Variants in ATF7IP2 observed in about 807,000 individuals in gnomAD.
The protein encoded by ATF7IP2 is activating transcription factor 7-interacting protein 2.
Under a neutral mutation model 64.2 loss-of-function variants are expected in ATF7IP2, and 42 were observed. The observed-to-expected ratio is 0.65, with a 90% confidence interval of 0.51 to 0.85. The LOEUF (loss-of-function observed/expected upper bound fraction) is 0.85, where lower values mean the gene tolerates loss of function less well. ATF7IP2 is among the 40% of genes least tolerant of loss of function. The pLI is 0.00. For synonymous variants in ATF7IP2, 308 were observed against 272.8 expected (o/e 1.13, Z -1.27); for missense variants, 933 against 784.2 (o/e 1.19, Z -2.27).
chr16:10,447,685 T>C (rs1028289993), intron 8 of ATF7IP2: 9 of 152,162 alleles, frequency 5.9e-5, no homozygotes, highest in African/African-American at 2.2e-4. Flanking sequence ...TGACTAGATT[T>C]AGCATTTAGA....
chr16:10,450,446 G>C (rs1320596735), intron 8 of ATF7IP2, among the ~76,000 whole-genome samples: 3 of 152,182 alleles, frequency 2.0e-5, no homozygotes, highest in African/African-American at 4.8e-5. Context: ...CTGTCTGAGA[G>C]TCTTAAGTCT....
At chr16:10,404,298 G>A (rs1229200185) in intron 1 of ATF7IP2, among the ~76,000 whole-genome samples, 2 of 152,102 alleles carry the variant, frequency 1.3e-5, no homozygotes, top group South Asian at 2.1e-4. Flanking sequence ...TGTCACCCAG[G>A]CTGGATTGAA....
chr16:10,449,462 A>G (rs2048916179), intron 8 of ATF7IP2: 1 of 152,140 alleles, frequency 6.6e-6, no homozygotes, highest in South Asian at 2.1e-4. Flanking sequence ...GTAGACTATT[A>G]ATTACTGCCT....
chr16:10,389,815 G>A (rs111650295), intron 1 of ATF7IP2, among the ~76,000 whole-genome samples: 89 of 152,318 alleles, frequency 5.8e-4, no homozygotes, highest in African/African-American at 1.9e-3. Context: ...AGGTGATGCG[G>A]ATGCTGCTGG....
rs2048231728 is a variant in ATF7IP2 at position 10,431,103 on chromosome 16, T to C, written c.483T>C (p.Ala161=). 2 of 1,614,148 alleles carry C rather than the reference T, an allele frequency of 1.2e-6. No homozygotes were observed. Among genetic ancestry groups the C allele is most frequent in the African/African-American group, 1.3e-5 (1 of 75,046 alleles). ...GATCCCTTTTTGAGCATGAGGGGGC[T>C]TGTAGTCTAAAGTCCAGTTGCTGTC... is the stretch of plus-strand genomic sequence containing the variant. ...VTRSLFEHEG[A]CSLKSSCCPP... The change falls in exon 5 of 14, where the codon GCT becomes GCC. Residue 161 remains alanine, a synonymous_variant. Coordinates refer to ENST00000562102, the MANE Select transcript of ATF7IP2 (RefSeq NM_001393719.1).
chr16:10,424,006 A>G (rs2048036967), intron 3 of ATF7IP2, among the ~76,000 whole-genome samples: 1 of 152,254 alleles, frequency 6.6e-6, no homozygotes, highest in African/African-American at 2.4e-5. Flanking sequence ...TTTTACCCAC[A>G]TATTTATTGA....
chr16:10,469,975 G>A (rs1429243052), intron 9 of ATF7IP2, among the ~76,000 whole-genome samples: 1 of 150,526 alleles, frequency 6.6e-6, no homozygotes, highest in Non-Finnish European at 1.5e-5. Flanking sequence ...GACTTTTTAA[G>A]CCAAAAAAAA....
At chr16:10,454,025 A>G (rs1451485880) in intron 8 of ATF7IP2, 6 of 146,828 alleles carry the variant, frequency 4.1e-5, no homozygotes, top group Admixed American at 2.7e-4. Flanking sequence ...TTTTTTTTCC[A>G]TCTTTTATCA....
intron 6 of ATF7IP2, among the ~76,000 whole-genome samples, chr16:10,435,457 C>G (rs2048389711): frequency 6.6e-6 from 1 of 152,214 alleles, no homozygotes; most frequent in Non-Finnish European, 1.5e-5. Flanking sequence ...GAAGCCAGGA[C>G]TTCAATCTGA....
At chr16:10,466,686 T>A (rs2049586190) in intron 9 of ATF7IP2, among the ~76,000 whole-genome samples, 1 of 152,208 alleles carries the variant, frequency 6.6e-6, no homozygotes, top group African/African-American at 2.4e-5. Flanking sequence ...TCTTTTCAAT[T>A]TTTTTGACAG....
At chr16:10,421,483 A>G (rs1022022893) in intron 3 of ATF7IP2, among the ~76,000 whole-genome samples, 1 of 152,178 alleles carries the variant, frequency 6.6e-6, no homozygotes, top group Non-Finnish European at 1.5e-5. Flanking sequence ...GTTGTATCCA[A>G]TTTATGTCCC....
chr16:10,429,976 C>T (rs1442780791), intron 4 of ATF7IP2, among the ~76,000 whole-genome samples: 2 of 151,714 alleles, frequency 1.3e-5, no homozygotes, highest in African/African-American at 4.8e-5. Context: ...CTTCAGCCTG[C>T]CGAGTAGCTT....
At chr16:10,396,103 C>T (rs1567423505) in intron 1 of ATF7IP2, among the ~76,000 whole-genome samples, 1 of 152,022 alleles carries the variant, frequency 6.6e-6, no homozygotes, top group African/African-American at 2.4e-5. Flanking sequence ...TGTTTTATTT[C>T]CATATACTTG....
In ATF7IP2 at chr16:10,412,010, G is replaced by GGTTTTTTTTTTTT. The variant is rs1476575065; in HGVS notation, c.-241-2564_-241-2563insGTTTTTTTTTTTT. ...CTTTTTGTTTCATTTATCTTTTTTT[G>GGTTTTTTTTTTTT]TTTTTTTTTTTTTTTTTTTTTTTTT... On this transcript the variant is annotated intron_variant, in intron 1 of 13. Transcript: ENST00000562102. Among the ~76,000 whole-genome samples, 58 of 58,392 alleles carry GGTTTTTTTTTTTT rather than the reference G, an allele frequency of 9.9e-4. 9 individuals are homozygous for GGTTTTTTTTTTTT. Among genetic ancestry groups the GGTTTTTTTTTTTT allele is most frequent in the African/African-American group, 1.2e-3 (19 of 16,350 alleles). The allele number at this position is 58,392 out of a possible 152,430, so 38.3% of individuals were successfully genotyped here.
chr16:10,408,147 C>T (rs758756860), intron 1 of ATF7IP2, among the ~76,000 whole-genome samples: 29 of 151,992 alleles, frequency 1.9e-4, no homozygotes, highest in Admixed American at 9.8e-4. Context: ...CCTGACCTCG[C>T]GATCCACCTG....
At chr16:10,444,959 T>C (rs2048753032) in intron 8 of ATF7IP2, among the ~76,000 whole-genome samples, 1 of 152,224 alleles carries the variant, frequency 6.6e-6, no homozygotes, top group East Asian at 1.9e-4. Flanking sequence ...CTAATAGGAA[T>C]TTTAGGTGAC....
chr16:10,458,836 T>G (rs1170530376), intron 9 of ATF7IP2, among the ~76,000 whole-genome samples: 2 of 152,150 alleles, frequency 1.3e-5, no homozygotes, highest in Non-Finnish European at 2.9e-5. Flanking sequence ...TAAACCAAGT[T>G]TAATAGTCTA....
chr16:10,483,352 A>G lies in ATF7IP2; in HGVS notation c.*1103A>G, dbSNP rs2050306609. 1 of 152,236 alleles carries G rather than the reference A, an allele frequency of 6.6e-6. No homozygotes were observed. The highest frequency in any genetic ancestry group is 2.1e-4 in the South Asian group (1 of 4,834). The allele number at this position is 152,236 out of a possible 1,614,324, so 9.4% of individuals were successfully genotyped here. On this transcript the variant is annotated 3_prime_UTR_variant, in exon 14 of 14. Coordinates refer to ENST00000562102, the MANE Select transcript of ATF7IP2 (RefSeq NM_001393719.1). ...CCACCATCACAATACTAAGGGGCTCAGATGTGTCTTGTGCCCACCTCTTCC... is the reference window on the plus strand; with the variant it reads ...CCACCATCACAATACTAAGGGGCTCGGATGTGTCTTGTGCCCACCTCTTCC...
chr16:10,389,324 G>T (rs2047273526), intron 1 of ATF7IP2, among the ~76,000 whole-genome samples: 1 of 152,188 alleles, frequency 6.6e-6, no homozygotes, highest in South Asian at 2.1e-4. Flanking sequence ...TGAGCTGTAA[G>T]AGACGTGTGA....
Sources: allele counts gnomAD v4.1 joint callset (sites outside exome capture counted in the v4.1 genomes callset), GRCh38; gene constraint gnomAD v4.1.1; transcripts MANE v1.5; gene names NCBI Gene and HGNC (gene_info 2026-07-23, HGNC 2026-07-21).